Variants in DNAH10 observed in about 807,000 individuals in gnomAD.
DNAH10 encodes axonemal beta dynein heavy chain 10.
Under a neutral mutation model 506.6 loss-of-function variants are expected in DNAH10, and 348 were observed. The ratio of observed to expected loss-of-function variants is 0.69; its 90% confidence interval spans 0.63 to 0.75. The LOEUF (loss-of-function observed/expected upper bound fraction) is 0.75. Ranked by LOEUF, DNAH10 falls within the 30% of genes least tolerant of loss-of-function variation. DNAH10 has a pLI of 0.00. For missense variants in DNAH10, 5,179 were observed against 5,787.1 expected, an observed-to-expected ratio of 0.89 and a Z score of 3.41; for synonymous variants, 2,059 against 2,198.6, an observed-to-expected ratio of 0.94 and a Z score of 1.78.
intron 5 of DNAH10, among the ~76,000 whole-genome samples, chr12:123,774,826 T>C (rs1397091646): frequency 2.0e-5 from 3 of 152,234 alleles, no homozygotes; most frequent in Non-Finnish European, 4.4e-5. Flanking sequence ...GTTACCATGC[T>C]GCAGAGATTT....
At position 123,868,049 on chromosome 12, in the gene DNAH10, T is replaced by C. The variant is rs771462096; in HGVS notation, c.7449T>C (p.Tyr2483=). ...ATGGAAGGATGAAATTTGACGAATA[T>C]ATCAAACGCCTTGCTTCTTTGTCTA... ...LEDGRMKFDE[Y]IKRLASLSTV... Residue 2483 remains tyrosine, a synonymous_variant, in exon 43 of 79, where the codon TAT becomes TAC. Coordinates refer to ENST00000673944, the MANE Select transcript of DNAH10 (RefSeq NM_001372106.1). 6.2e-6 allele frequency: 10 copies of C among 1,613,982 alleles called. No homozygotes were observed.
At chr12:123,893,115 G>A (rs1389025954) in intron 52 of DNAH10, 118 bp from the exon 53 acceptor site, 4 of 1,094,800 alleles carry the variant, frequency 3.7e-6, no homozygotes, top group South Asian at 2.9e-5. Context: ...AGGCCCACAC[G>A]CTGCTCTCTG....
At chr12:123,843,797 C>T (rs1381189810) in intron 30 of DNAH10, among the ~76,000 whole-genome samples, 1 of 152,166 alleles carries the variant, frequency 6.6e-6, no homozygotes, top group Non-Finnish European at 1.5e-5. Flanking sequence ...AGGCTGGTCT[C>T]GAACTCCCGA....
intron 40 of DNAH10, among the ~76,000 whole-genome samples, chr12:123,865,169 T>C (rs1951754838): frequency 6.6e-6 from 1 of 152,260 alleles, no homozygotes; most frequent in Admixed American, 6.5e-5. Flanking sequence ...ATACTACGAT[T>C]ACATTTACTT....
At chr12:123,801,245 C>G (rs371105545) in intron 15 of DNAH10, 36 bp from the exon 16 acceptor site, 2 of 1,596,178 alleles carry the variant, frequency 1.3e-6, no homozygotes, top group African/African-American at 1.3e-5. Flanking sequence ...CTTAAAGGTG[C>G]TCTCCTCAGG....
intron 35 of DNAH10, among the ~76,000 whole-genome samples, chr12:123,852,030 C>T (rs1228611238): frequency 5.3e-5 from 8 of 152,164 alleles, no homozygotes; most frequent in African/African-American, 1.2e-4. Flanking sequence ...CTCAGCCTCC[C>T]GAGTAGCTGG....
chr12:123,809,179 G>C (rs1218713237), intron 19 of DNAH10, among the ~76,000 whole-genome samples: 2 of 152,186 alleles, frequency 1.3e-5, no homozygotes, highest in South Asian at 2.1e-4. Context: ...CTCTCACCCA[G>C]CCCTGCCCGG....
intron 64 of DNAH10, 165 bp from the exon 65 acceptor site, chr12:123,918,511 C>A: frequency 1.3e-6 from 1 of 749,954 alleles, no homozygotes; most frequent in South Asian, 3.7e-5. Context: ...CACAAATATT[C>A]ACCCCTTCCT....
chr12:123,912,344 GAGTCTGTCCTGGGGGGGT>G (rs1954235446), intron 59 of DNAH10, among the ~76,000 whole-genome samples: 1 of 37,292 alleles, frequency 2.7e-5, no homozygotes, highest in Admixed American at 2.8e-4. Flanking sequence ...TGTCCTGGGG[GAGTCTGTCCTGGGGGGGT>G]CTGTCCTGGG....
chr12:123,912,614 C>T (rs1250516911), intron 59 of DNAH10, among the ~76,000 whole-genome samples: 1 of 152,138 alleles, frequency 6.6e-6, no homozygotes, highest in Non-Finnish European at 1.5e-5. Flanking sequence ...CAGTACCAAA[C>T]GTCCCCTGGG....
intron 23 of DNAH10, 33 bp from the exon 24 acceptor site, chr12:123,820,547 A>G: frequency 6.3e-7 from 1 of 1,595,382 alleles, no homozygotes; most frequent in Non-Finnish European, 8.6e-7. Context: ...TTAAAATTGT[A>G]TTTATTCACT....
intron 52 of DNAH10, among the ~76,000 whole-genome samples, chr12:123,892,656 C>T (rs1338198908): frequency 7.2e-5 from 11 of 152,234 alleles, no homozygotes; most frequent in Admixed American, 4.6e-4. Context: ...CACAGGAGAA[C>T]GTCAGAGATG....
intron 51 of DNAH10, among the ~76,000 whole-genome samples, chr12:123,885,249 A>G (rs972615499): frequency 2.0e-5 from 3 of 152,246 alleles, no homozygotes; most frequent in African/African-American, 7.2e-5. Context: ...GGTTAAAGTT[A>G]TATGTAACTT....
At chr12:123,898,068 T>C (rs1953336595) in intron 55 of DNAH10, 101 bp downstream of exon 55, 1 of 1,148,118 alleles carries the variant, frequency 8.7e-7, no homozygotes, top group African/African-American at 1.6e-5. Context: ...ATCTTCAGTA[T>C]TGAGGCCAAA....
At chr12:123,854,910 A>T (rs1396534825) in intron 36 of DNAH10, among the ~76,000 whole-genome samples, 1 of 152,240 alleles carries the variant, frequency 6.6e-6, no homozygotes, top group East Asian at 1.9e-4. Flanking sequence ...GGAGGACATT[A>T]AAAAGCCCAT....
chr12:123,893,238 G>A lies in DNAH10; in HGVS notation c.9001G>A (p.Val3001Ile), dbSNP rs73221409. The A allele has an allele frequency of 1.7e-5, 28 of 1,613,984 alleles. No homozygotes were observed. The East Asian group carries it at 3.8e-4, about 22-fold the overall frequency. ...AGCATGTCTTCCTTTTCCAGGAATT[G>A]TACCTGCGCTTTTTTCTGAAGAGGA... ...LINNMLTSGI[V>I]PALFSEEEKE... The change falls in exon 53 of 79, where the codon GTA becomes ATA. Residue 3001 changes from valine (V) to isoleucine (I), a missense_variant. Coordinates refer to ENST00000673944, the MANE Select transcript of DNAH10 (RefSeq NM_001372106.1).
chr12:123,833,724 T>C (rs79859086), intron 27 of DNAH10, among the ~76,000 whole-genome samples: 3,060 of 152,338 alleles, frequency 0.02, 110 homozygotes, highest in African/African-American at 0.069. Flanking sequence ...TTTAAAAAAA[T>C]GTCTGTTGAC....
rs547197226 is a variant in DNAH10, at chr12:123,864,472, G to T, written c.6909-123G>T. 3.9e-5 allele frequency: 53 copies of T among 1,364,856 alleles called. No individual in the cohort carries two copies. The Admixed American group carries it at 1.2e-3, about 32-fold the overall frequency. 84.5% of individuals were successfully genotyped at this position (1,364,856 alleles called of 1,614,324 possible). On this transcript the variant is annotated intron_variant, in intron 39 of 78. Transcript: ENST00000673944. The stretch of plus-strand genomic sequence containing the variant: ...ACCTCTGGGCCAACTAGGGTGCTCT[G>T]TCTCAGATACTGGGTAGAAAACCCT...
rs778863266 is a variant in DNAH10 at position 123,935,523 on chromosome 12, G to A, written c.*42G>A. ...ACTGCTTAATGAATTCGGAGCCTGG[G>A]GTTGTCAGAGTGATCGGGTCTGCTG... is the stretch of plus-strand genomic sequence containing the variant. On this transcript the variant is annotated 3_prime_UTR_variant, in exon 79 of 79. Coordinates refer to ENST00000673944, the MANE Select transcript of DNAH10 (RefSeq NM_001372106.1). 4 of 1,531,030 alleles carry A rather than the reference G, an allele frequency of 2.6e-6. No individual in the cohort carries two copies. The highest frequency in any genetic ancestry group is 2.7e-6 in the Non-Finnish European group (3 of 1,128,584). 94.8% of individuals were successfully genotyped at this position (1,531,030 alleles called of 1,614,324 possible).
Sources: allele counts gnomAD v4.1 joint callset (sites outside exome capture counted in the v4.1 genomes callset), GRCh38; gene constraint gnomAD v4.1.1; transcripts MANE v1.5; gene names NCBI Gene and HGNC (gene_info 2026-07-23, HGNC 2026-07-21).